ATXN10: variants seen among roughly 807,000 people sequenced by gnomAD.
ATXN10 encodes the protein ataxin-10.
ATXN10 carries 28 observed loss-of-function variants against 52.9 expected under a neutral mutation model. The observed-to-expected ratio is 0.53, with a 90% CI of 0.39 to 0.73. The LOEUF (loss-of-function observed/expected upper bound fraction) is 0.73, where lower values mean the gene tolerates loss of function less well. Among genes scored for constraint, ATXN10 ranks in the 30% least tolerant of loss-of-function variants. The pLI is 0.00. For synonymous variants in ATXN10, 226 were observed against 221.5 expected, an observed-to-expected ratio of 1.02 and a Z score of -0.18; for missense variants, 565 against 577.0, an observed-to-expected ratio of 0.98 and a Z score of 0.21.
Position 45,739,586 on chromosome 22 carries a change from C to T in ATXN10, c.1003+747C>T, listed in dbSNP as rs1432017793. On this transcript the variant is annotated intron_variant, in intron 8 of 11. Coordinates refer to ENST00000252934, the MANE Select transcript of ATXN10 (RefSeq NM_013236.4). The stretch of plus-strand genomic sequence containing the variant: ...TTTTAGTGATAATTTAAATAAAACA[C>T]CACAAACCTAGCACACTTGAGTGAT... Among the ~76,000 whole-genome samples the T allele has an allele frequency of 3.3e-5, 5 of 152,268 alleles. 1 individual carries two copies. The South Asian group carries it at 6.2e-4, about 19-fold the overall frequency.
intron 9 of ATXN10, chr22:45,793,900 C>A: frequency 6.5e-6 from 8 of 1,235,040 alleles, no homozygotes; most frequent in Non-Finnish European, 8.1e-6. Context: ...ATAGCAGCAG[C>A]AGAGGTGCTG....
At chr22:45,821,523 G>C (rs1324995076) in intron 10 of ATXN10, among the ~76,000 whole-genome samples, 1 of 152,166 alleles carries the variant, frequency 6.6e-6, no homozygotes, top group African/African-American at 2.4e-5. Context: ...GAGCTGGGAA[G>C]GCACTGCACA....
rs1488766102 is a variant in ATXN10 at position 45,766,417 on chromosome 22, A to C, written c.1173+25879A>C. Reference sequence around the variant, plus strand: ...AGTTTCATCCTGAAGTCTTCCCCGCAACCCCTCTTCCCCCGAGTCTGTGGA... The same window carrying C: ...AGTTTCATCCTGAAGTCTTCCCCGCCACCCCTCTTCCCCCGAGTCTGTGGA... On this transcript the variant is annotated intron_variant, in intron 9 of 11. Transcript: ENST00000252934. This position sits in a 1 kb window ranked among gnomAD's most constrained non-coding sequence, Gnocchi z 4.6. Among the ~76,000 whole-genome samples the C allele has an allele frequency of 5.3e-5, 8 of 152,198 alleles. No homozygotes were observed. The highest frequency in any genetic ancestry group is 1.9e-4 in the African/African-American group (8 of 41,454).
At chr22:45,745,730 T>C (rs1206660431) in intron 9 of ATXN10, among the ~76,000 whole-genome samples, 1 of 152,230 alleles carries the variant, frequency 6.6e-6, no homozygotes, top group Non-Finnish European at 1.5e-5. Context: ...TGGCACATAG[T>C]AGGCATTCAG....
Position 45,748,204 on chromosome 22 carries a change from G to A in ATXN10, c.1173+7666G>A, listed in dbSNP as rs147933181. 7.5e-3 allele frequency among the ~76,000 whole-genome samples: 1,142 copies of A among 151,962 alleles called. 5 individuals carry two copies. The highest frequency in any genetic ancestry group is 0.014 in the Middle Eastern group (4 of 292). On this transcript the variant is annotated intron_variant, in intron 9 of 11. Transcript: ENST00000252934. ...TAAAAAAAAAAAAAAGTATATAATG[G>A]ATTGCCTTATGTCTCTAACTATAAT...
chr22:45,740,386 C>G lies in ATXN10; in HGVS notation c.1021C>G (p.His341Asp), dbSNP rs751577513. 2 of 1,613,716 alleles carry G rather than the reference C, an allele frequency of 1.2e-6. No homozygotes were observed. Among genetic ancestry groups the G allele is most frequent in the Admixed American group, 3.3e-5 (2 of 59,982 alleles). Reference sequence around the variant, plus strand: ...GGTTATAGATCTTTTGCGGGTGATTCATGTAGCTGGAAAAGAAACCACAAA... The same window carrying G: ...GGTTATAGATCTTTTGCGGGTGATTGATGTAGCTGGAAAAGAAACCACAAA... ...ERVIDLLRVI[H>D]VAGKETTNIF... Residue 341 changes from histidine to aspartate, a missense_variant, in exon 9 of 12, where the codon CAT (histidine) becomes GAT (aspartate). Physicochemically the swap from His to Asp is moderately conservative, Grantham distance 81 (BLOSUM62 -1). Coordinates refer to ENST00000252934, the MANE Select transcript of ATXN10 (RefSeq NM_013236.4).
Position 45,783,570 on chromosome 22 carries a change from C to T in ATXN10, c.1174-23389C>T, listed in dbSNP as rs569736455. Among the ~76,000 whole-genome samples, 37 of 152,286 alleles carry T rather than the reference C, an allele frequency of 2.4e-4. No homozygotes were observed. In the South Asian group the frequency reaches 3.5e-3, roughly 15 times the overall value. On this transcript the variant is annotated intron_variant, in intron 9 of 11. Coordinates refer to ENST00000252934, the MANE Select transcript of ATXN10 (RefSeq NM_013236.4). The surrounding 1 kb of genome is among the most constrained non-coding windows in gnomAD (Gnocchi z 5.0). The stretch of plus-strand genomic sequence containing the variant: ...CCTCTTCTGTATTCCTGCAGCCCTT[C>T]GTGTTTCCCTCCAGTGCTGGATGTG...
chr22:45,696,403 G>C lies in ATXN10; in HGVS notation c.391+3325G>C, dbSNP rs1923606455. Reference sequence around the variant, plus strand: ...CGCTCCAGAGCTGCTGTGCTGTGGTGGGCGGAAGGAGGTTTCTCTTTTAAT... The same window carrying C: ...CGCTCCAGAGCTGCTGTGCTGTGGTCGGCGGAAGGAGGTTTCTCTTTTAAT... On this transcript the variant is annotated intron_variant, in intron 3 of 11. Transcript: ENST00000252934. This position sits in a 1 kb window ranked among gnomAD's most constrained non-coding sequence, Gnocchi z 4.7. Among the ~76,000 whole-genome samples, 1 of 152,206 alleles carries C rather than the reference G, an allele frequency of 6.6e-6. No homozygotes were observed. The highest frequency in any genetic ancestry group is 1.5e-5 in the Non-Finnish European group (1 of 68,038).
At chr22:45,679,968 A>T (rs940507692) in intron 1 of ATXN10, 3 of 152,208 alleles carry the variant, frequency 2.0e-5, no homozygotes, top group Admixed American at 6.5e-5. Context: ...GACCACCAGT[A>T]CCCTCAGAGC....
chr22:45,723,691 CA>C (rs1225170007), intron 6 of ATXN10, among the ~76,000 whole-genome samples: 3 of 152,114 alleles, frequency 2.0e-5, no homozygotes, highest in African/African-American at 7.2e-5. Flanking sequence ...CATGGTGGCT[CA>C]CACCTGTAAT....
In ATXN10 at chr22:45,744,179, C is replaced by A. The variant is rs1437423663; in HGVS notation, c.1173+3641C>A. Among the ~76,000 whole-genome samples, 1 of 152,200 alleles carries A rather than the reference C, an allele frequency of 6.6e-6. No individual in the cohort carries two copies. The highest frequency in any genetic ancestry group is 1.5e-5 in the Non-Finnish European group (1 of 68,036). On this transcript the variant is annotated intron_variant, in intron 9 of 11. Transcript: ENST00000252934. This position sits in a 1 kb window ranked among gnomAD's most constrained non-coding sequence, Gnocchi z 4.9. ...ATCTTCTGTGGAGCTTCCATTCTGG[C>A]ATCATCTGGGGACCATGCTTGCCTC... is the stretch of plus-strand genomic sequence containing the variant.
At chr22:45,773,479 A>G (rs1427766396) in intron 9 of ATXN10, among the ~76,000 whole-genome samples, 1 of 138,132 alleles carries the variant, frequency 7.2e-6, no homozygotes, top group Non-Finnish European at 1.6e-5. Flanking sequence ...TTTATTTGAG[A>G]TAGGTGTCTC....
chr22:45,673,122 C>T (rs546806685), intron 1 of ATXN10: 32 of 152,130 alleles, frequency 2.1e-4, no homozygotes, highest in African/African-American at 6.8e-4. Context: ...TAGGACATAC[C>T]TGTACATAGC....
intron 10 of ATXN10, among the ~76,000 whole-genome samples, chr22:45,812,487 G>C (rs1032493524): frequency 6.6e-6 from 1 of 152,138 alleles, no homozygotes; most frequent in Non-Finnish European, 1.5e-5. Flanking sequence ...TGGGGGGAGA[G>C]GGTGGTTCTA....
rs769452567 is a variant in ATXN10 at position 45,759,779 on chromosome 22, T to C, written c.1173+19241T>C. ...GCTGCCGGCATGAGCTAAGGGACCATATAACAGTCAGCACTGTCCATCGCT... is the reference window on the plus strand; with the variant it reads ...GCTGCCGGCATGAGCTAAGGGACCACATAACAGTCAGCACTGTCCATCGCT... On this transcript the variant is annotated intron_variant, in intron 9 of 11. Transcript: ENST00000252934. This position sits in a 1 kb window ranked among gnomAD's most constrained non-coding sequence, Gnocchi z 5.4. Among the ~76,000 whole-genome samples the C allele has an allele frequency of 2.8e-4, 43 of 152,178 alleles. 1 individual carries two copies. Among genetic ancestry groups the C allele is most frequent in the Admixed American group, 1.1e-3 (17 of 15,276 alleles).
In ATXN10 at chr22:45,837,558, G is replaced by T. The variant is rs544887912; in HGVS notation, c.1238-5433G>T. On this transcript the variant is annotated intron_variant, in intron 10 of 11. Coordinates refer to ENST00000252934, the MANE Select transcript of ATXN10 (RefSeq NM_013236.4). The surrounding 1 kb of genome is among the most constrained non-coding windows in gnomAD (Gnocchi z 5.8). Reference sequence around the variant, plus strand: ...ATTACAGGCGTGAGCCACTATGCCCGGCCTATTTATTTATTAATTCAACAA... The same window carrying T: ...ATTACAGGCGTGAGCCACTATGCCCTGCCTATTTATTTATTAATTCAACAA... Among the ~76,000 whole-genome samples, 1 of 152,192 alleles carries T rather than the reference G, an allele frequency of 6.6e-6. No homozygotes were observed. Among genetic ancestry groups the T allele is most frequent in the African/African-American group, 2.4e-5 (1 of 41,434 alleles).
rs1452268564 is a variant in ATXN10 at position 45,826,782 on chromosome 22, C to T, written c.1238-16209C>T. ...CACTAGACCTGCCTTGTAAGAAATG[C>T]TCAAGGTAATCCTGCAGGATGAAAT... On this transcript the variant is annotated intron_variant, in intron 10 of 11. Coordinates refer to ENST00000252934, the MANE Select transcript of ATXN10 (RefSeq NM_013236.4). The surrounding 1 kb of genome is among the most constrained non-coding windows in gnomAD (Gnocchi z 5.0). Among the ~76,000 whole-genome samples the T allele has an allele frequency of 6.6e-6, 1 of 152,152 alleles. No individual in the cohort carries two copies. The highest frequency in any genetic ancestry group is 1.5e-5 in the Non-Finnish European group (1 of 68,016).
At chr22:45,809,919 A>G (rs9626202) in intron 10 of ATXN10, among the ~76,000 whole-genome samples, 5,712 of 151,984 alleles carry the variant, frequency 0.038, 305 homozygotes, top group African/African-American at 0.11. Context: ...GAAATTCTTT[A>G]CTTTTAGTCA....
At chr22:45,703,228 GA>G (rs1436101394) in intron 5 of ATXN10, among the ~76,000 whole-genome samples, 5 of 152,194 alleles carry the variant, frequency 3.3e-5, no homozygotes, top group African/African-American at 1.2e-4. Flanking sequence ...CATCTGTGCA[GA>G]TGAGATAGAG....
Sources: gnomAD v4.1 joint callset for allele counts (sites outside exome capture counted in the v4.1 genomes callset) on GRCh38, gnomAD v4.1.1 for gene constraint, Gnocchi (gnomAD v3.1) non-coding constraint, MANE v1.5 for transcripts, NCBI Gene and HGNC (gene_info 2026-07-23, HGNC 2026-07-21) for gene names.